The following PHC3 variants were observed in gnomAD, a reference collection of about 807,000 sequenced individuals.
PHC3 encodes polyhomeotic homolog 3, also known as polyhomeotic-like protein 3.
In PHC3, 13 loss-of-function variants were observed where a neutral mutation model predicts 107.4. The ratio of observed to expected loss-of-function variants is 0.12; its 90% CI spans 0.08 to 0.19. The LOEUF is 0.19. Ranked by LOEUF, PHC3 falls within the 10% of genes least tolerant of loss-of-function variation. The probability of loss-of-function intolerance (pLI) is 1.00; values close to 1 mark genes in which losing one functional copy is unlikely to be tolerated. For missense variants in PHC3, 992 were observed against 1,210.9 expected (o/e 0.82, Z 2.68); for synonymous variants, 456 against 427.4 (o/e 1.07, Z -0.83).
At chr3:170,175,411 G>A (rs1415861489) in intron 2 of PHC3, among the ~76,000 whole-genome samples, 6 of 152,178 alleles carry the variant, frequency 3.9e-5, no homozygotes, top group Non-Finnish European at 5.9e-5. Context: ...GCTAAGGCAG[G>A]AGGAGAGCTT....
chr3:170,179,077 C>T lies in PHC3; in HGVS notation c.15-139G>A, dbSNP rs896488212. ...ATAAAAGACAGCCAACACACAGTCA[C>T]TATAAGCACTTAGAAGGGAAAAATA... On this transcript the variant is annotated intron_variant, in intron 1 of 14. Transcript: ENST00000495893. The T allele has an allele frequency of 5.2e-6, 4 of 762,352 alleles. No homozygotes were observed. In the South Asian group the frequency reaches 6.9e-5, roughly 13 times the overall value. The allele number at this position is 762,352 out of a possible 1,614,324, so 47.2% of individuals were successfully genotyped here.
intron 4 of PHC3, among the ~76,000 whole-genome samples, chr3:170,154,252 C>A (rs929399744): frequency 1.3e-5 from 2 of 152,144 alleles, no homozygotes; most frequent in African/African-American, 4.8e-5. Context: ...AGGCATATTT[C>A]ATATTTTAAG....
At chr3:170,165,379 G>A (rs138482882) in intron 4 of PHC3, among the ~76,000 whole-genome samples, 1,861 of 152,102 alleles carry the variant, frequency 0.012, 40 homozygotes, top group African/African-American at 0.043. Context: ...CACTCATCAC[G>A]TCCAGAACCA....
intron 4 of PHC3, 114 bp downstream of exon 4, chr3:170,171,259 T>C: frequency 4.1e-6 from 3 of 736,434 alleles, no homozygotes; most frequent in Non-Finnish European, 6.6e-6. Context: ...CAATTGTTAC[T>C]TTAAACAGCA....
At chr3:170,146,417 A>G (rs1013013768) in intron 5 of PHC3, among the ~76,000 whole-genome samples, 1 of 151,738 alleles carries the variant, frequency 6.6e-6, no homozygotes, top group Admixed American at 6.6e-5. Context: ...TTCTAAAAGT[A>G]AATGCCACAC....
intron 5 of PHC3, among the ~76,000 whole-genome samples, chr3:170,145,744 C>CA (rs927885310): frequency 2.0e-5 from 3 of 151,146 alleles, no homozygotes; most frequent in African/African-American, 7.3e-5. Flanking sequence ...CTGATGAGTG[C>CA]AAAAAAAAGC....
intron 14 of PHC3, chr3:170,102,131 TAGA>T (rs1173217137): frequency 2.0e-6 from 2 of 982,358 alleles, no homozygotes; most frequent in African/African-American, 3.5e-5. Context: ...AATAGAAAAA[TAGA>T]AGAGCAGAAA....
chr3:170,144,185 A>C (rs1334508012), intron 6 of PHC3, among the ~76,000 whole-genome samples: 1 of 151,474 alleles, frequency 6.6e-6, no homozygotes, highest in Non-Finnish European at 1.5e-5. Flanking sequence ...AGAAAAAAGA[A>C]AAAAAATTAG....
intron 6 of PHC3, 121 bp downstream of exon 6, chr3:170,145,301 CA>C: frequency 1.5e-6 from 1 of 648,526 alleles, no homozygotes. Flanking sequence ...TATTAAATTT[CA>C]ATCTGAAATG....
In PHC3 at chr3:170,178,766, G is replaced by T; in HGVS notation, c.180+7C>A. Reference sequence around the variant, plus strand: ...TCTTAGACTACCCATCACTACAGCTGAAATACCTGTACAGCATGTCGGTCT... The same window carrying T: ...TCTTAGACTACCCATCACTACAGCTTAAATACCTGTACAGCATGTCGGTCT... On this transcript the variant is annotated splice_region_variant and intron_variant, in intron 2 of 14. Transcript: ENST00000495893. The T allele has an allele frequency of 6.2e-7, 1 of 1,613,690 alleles. No individual in the cohort carries two copies. Among genetic ancestry groups the T allele is most frequent in the South Asian group, 1.1e-5 (1 of 91,084 alleles).
intron 2 of PHC3, among the ~76,000 whole-genome samples, chr3:170,174,601 T>C (rs377157359): frequency 1.3e-5 from 2 of 152,204 alleles, no homozygotes; most frequent in Non-Finnish European, 2.9e-5. Context: ...AAGGGAGTAA[T>C]AGTGCCATAA....
intron 4 of PHC3, among the ~76,000 whole-genome samples, chr3:170,162,919 T>A (rs1728118973): frequency 6.6e-6 from 1 of 152,236 alleles, no homozygotes; most frequent in Non-Finnish European, 1.5e-5. Context: ...AAAGGCCACC[T>A]TTATTAACAA....
At chr3:170,145,785 A>G (rs946441670) in intron 5 of PHC3, among the ~76,000 whole-genome samples, 12 of 152,238 alleles carry the variant, frequency 7.9e-5, no homozygotes, top group South Asian at 2.1e-4. Context: ...TATTTTGGTG[A>G]TATGAAATTC....
rs1347933490 is a variant in PHC3, at chr3:170,145,538, C to A, written c.574-17G>T. 6 of 1,579,858 alleles carry A rather than the reference C, an allele frequency of 3.8e-6. No individual in the cohort carries two copies. In the Admixed American group the frequency reaches 5.2e-5, roughly 14 times the overall value. ...GAAAATCAGCTGTACAGACAGAAAACCAAAAAAATACCCTAAGACAAAAGA... is the reference window on the plus strand; with the variant it reads ...GAAAATCAGCTGTACAGACAGAAAAACAAAAAAATACCCTAAGACAAAAGA... On this transcript the variant is annotated splice_polypyrimidine_tract_variant and intron_variant, in intron 5 of 14. Transcript: ENST00000495893.
At chr3:170,125,450 TAATA>T (rs1454149612) in intron 8 of PHC3, among the ~76,000 whole-genome samples, 1 of 152,216 alleles carries the variant, frequency 6.6e-6, no homozygotes. Flanking sequence ...TCCTTCAGTA[TAATA>T]GATAGTACTT....
chr3:170,146,521 T>C (rs1189351319), intron 5 of PHC3, among the ~76,000 whole-genome samples: 1 of 148,510 alleles, frequency 6.7e-6, no homozygotes, highest in Non-Finnish European at 1.5e-5. Context: ...TTCCTTTTTT[T>C]TCCTTTTCTT....
intron 4 of PHC3, among the ~76,000 whole-genome samples, chr3:170,160,528 G>C (rs1727714772): frequency 6.6e-6 from 1 of 152,166 alleles, no homozygotes; most frequent in African/African-American, 2.4e-5. Context: ...ACTGGGGTCA[G>C]GATTAGAAAC....
intron 6 of PHC3, among the ~76,000 whole-genome samples, chr3:170,138,804 T>C (rs1723576758): frequency 1.3e-5 from 2 of 152,128 alleles, no homozygotes; most frequent in Admixed American, 6.5e-5. Flanking sequence ...GCCCCCAGTT[T>C]CTAGTCCTCC....
chr3:170,155,653 G>A (rs1428769113), intron 4 of PHC3, among the ~76,000 whole-genome samples: 4 of 152,092 alleles, frequency 2.6e-5, no homozygotes, highest in Non-Finnish European at 4.4e-5. Flanking sequence ...CCTGGGAGGC[G>A]GAGGTTGCAG....
Sources: gnomAD v4.1 joint callset for allele counts (sites outside exome capture counted in the v4.1 genomes callset) on GRCh38, gnomAD v4.1.1 for gene constraint, MANE v1.5 for transcripts, NCBI Gene and HGNC (gene_info 2026-07-23, HGNC 2026-07-21) for gene names.